Variants in AKAP13 observed in about 807,000 individuals in gnomAD.
AKAP13 encodes the protein A-kinase anchor protein 13.
AKAP13 carries 80 observed loss-of-function variants against 264.5 expected under a neutral mutation model. That is an observed-to-expected ratio of 0.30 (90% confidence interval 0.25 to 0.36). AKAP13 has a LOEUF of 0.36. Among genes scored for constraint, AKAP13 ranks in the 10% least tolerant of loss-of-function variants. The pLI is 1.00. For synonymous variants in AKAP13, 1,380 were observed against 1,250.2 expected (o/e 1.10, Z -2.19); for missense variants, 3,712 against 3,435.2 (o/e 1.08, Z -2.01).
intron 1 of AKAP13, among the ~76,000 whole-genome samples, chr15:85,483,267 G>T (rs1353558315): frequency 6.6e-6 from 1 of 152,170 alleles, no homozygotes; most frequent in East Asian, 1.9e-4. Context: ...TGTCCAAACC[G>T]TGGCCTGCAG....
Position 85,409,732 on chromosome 15 carries a change from G to T in AKAP13, c.-12+28934G>T, listed in dbSNP as rs546868603. 5.2e-4 allele frequency among the ~76,000 whole-genome samples: 78 copies of T among 148,966 alleles called. 3 individuals carry two copies. Among genetic ancestry groups the T allele is most frequent in the African/African-American group, 1.9e-3 (74 of 39,884 alleles). On this transcript the variant is annotated intron_variant, in intron 1 of 36. Coordinates refer to ENST00000394518, the MANE Select transcript of AKAP13 (RefSeq NM_007200.5). ...TGCAAGCTCCGCCTCCTGGGTACAC[G>T]CCATTCTCCTGCGTCAGCCTCCCGA... is the stretch of plus-strand genomic sequence containing the variant.
In AKAP13 at chr15:85,494,177, C is replaced by T. The variant is rs550626623; in HGVS notation, c.33+8424C>T. On this transcript the variant is annotated intron_variant, in intron 2 of 36. Transcript: ENST00000394518. ...TTCAATACCACCTTAACTAAGGTAT[C>T]AAAGTTAATGGGCTCTATCTATCAC... 4.6e-5 allele frequency among the ~76,000 whole-genome samples: 7 copies of T among 152,308 alleles called. No homozygotes were observed. The South Asian group carries it at 6.2e-4, about 14-fold the overall frequency.
intron 27 of AKAP13, 97 bp from the exon 28 acceptor site, chr15:85,726,969 T>C: frequency 7.2e-7 from 1 of 1,384,544 alleles, no homozygotes; most frequent in Non-Finnish European, 1.0e-6. Flanking sequence ...ACTATGTGCT[T>C]TTTTAACAGC....
Position 85,727,266 on chromosome 15 carries a change from C to G in AKAP13, c.7004+19C>G, listed in dbSNP as rs1351546533. On this transcript the variant is annotated intron_variant, in intron 28 of 36. Transcript: ENST00000394518. The surrounding 1 kb of genome is among the most constrained non-coding windows in gnomAD (Gnocchi z 5.3). ...ACACCCTGTAAGTTAACCACCAGGC[C>G]CCACCCTTCCCAGCCCTCCTGATGT... 3 of 1,613,690 alleles carry G rather than the reference C, an allele frequency of 1.9e-6. No individual in the cohort carries two copies. The highest frequency in any genetic ancestry group is 1.3e-5 in the African/African-American group (1 of 74,880).
Position 85,380,653 on chromosome 15 carries a change from T to C in AKAP13, c.-157T>C, listed in dbSNP as rs1009967307. The C allele has an allele frequency of 6.7e-6, 1 of 149,360 alleles. No individual in the cohort carries two copies. The allele number at this position is 149,360 out of a possible 1,614,324, so 9.3% of individuals were successfully genotyped here. ...AGCAGCCGCGGTGAAGCGCCTGTGC[T>C]CTGCCGAGACTGCCGTGCCCATTGC... On this transcript the variant is annotated 5_prime_UTR_variant, in exon 1 of 37. Transcript: ENST00000394518.
chr15:85,744,833 A>G lies in AKAP13; in HGVS notation c.*156A>G, dbSNP rs775535022. On this transcript the variant is annotated 3_prime_UTR_variant, in exon 37 of 37. Coordinates refer to ENST00000394518, the MANE Select transcript of AKAP13 (RefSeq NM_007200.5). ...CCAGGTCCTGGACAATAAGCAACAGATGATATTGAGTGTCGGGTGGGGAAG... is the reference window on the plus strand; with the variant it reads ...CCAGGTCCTGGACAATAAGCAACAGGTGATATTGAGTGTCGGGTGGGGAAG... 37 of 610,284 alleles carry G rather than the reference A, an allele frequency of 6.1e-5. No homozygotes were observed. Among genetic ancestry groups the G allele is most frequent in the Non-Finnish European group, 1.0e-4 (36 of 360,836 alleles). 37.8% of individuals were successfully genotyped at this position (610,284 alleles called of 1,614,324 possible).
Position 85,744,022 on chromosome 15 carries a change from G to A in AKAP13, c.8392+197G>A, listed in dbSNP as rs546433312. Reference sequence around the variant, plus strand: ...ATTAAGAACCCACTCTGTGTGGCACGTGTGCAGAAGCAGAGAGCATGGGTT... The same window carrying A: ...ATTAAGAACCCACTCTGTGTGGCACATGTGCAGAAGCAGAGAGCATGGGTT... On this transcript the variant is annotated intron_variant, in intron 36 of 36. Coordinates refer to ENST00000394518, the MANE Select transcript of AKAP13 (RefSeq NM_007200.5). 509 of 618,102 alleles carry A rather than the reference G, an allele frequency of 8.2e-4. 1 individual carries two copies. The highest frequency in any genetic ancestry group is 2.5e-4 in the Non-Finnish European group (91 of 362,612). The allele number at this position is 618,102 out of a possible 1,614,324, so 38.3% of individuals were successfully genotyped here. A position where few individuals can be genotyped will look rare whatever the true frequency, so the allele number is the denominator to read the frequency against.
intron 12 of AKAP13, among the ~76,000 whole-genome samples, chr15:85,658,814 A>G (rs1347577651): frequency 6.6e-6 from 1 of 152,076 alleles, no homozygotes; most frequent in African/African-American, 2.4e-5. Context: ...TTTAAAAATT[A>G]TTTTTAATTT....
chr15:85,412,184 C>T (rs377063136), intron 1 of AKAP13, among the ~76,000 whole-genome samples: 22 of 152,262 alleles, frequency 1.4e-4, no homozygotes, highest in East Asian at 7.7e-4. Context: ...GAGTACAAAA[C>T]GGTCATTGAT....
rs747848047 is a variant in AKAP13 at position 85,740,312 on chromosome 15, A to G, written c.7608+40A>G. 20 of 1,609,596 alleles carry G rather than the reference A, an allele frequency of 1.2e-5. No individual in the cohort carries two copies. The Admixed American group carries it at 3.0e-4, about 24-fold the overall frequency. On this transcript the variant is annotated intron_variant, in intron 34 of 36. Transcript: ENST00000394518. ...CTTCCATCCCTGCGTTTATTTGTCT[A>G]GAGAACAGCAGCTTGGGGCTGTTGT...
chr15:85,656,064 C>CAT (rs1249393774), intron 11 of AKAP13, among the ~76,000 whole-genome samples: 1 of 152,090 alleles, frequency 6.6e-6, no homozygotes, highest in African/African-American at 2.4e-5. Context: ...ATGTGATTGT[C>CAT]ATATAATGAG....
intron 2 of AKAP13, among the ~76,000 whole-genome samples, chr15:85,506,115 G>T (rs1350895619): frequency 1.3e-5 from 2 of 152,068 alleles, no homozygotes; most frequent in Non-Finnish European, 2.9e-5. Context: ...TGGCCAACAT[G>T]GTGAAACTCC....
At chr15:85,466,162 T>C (rs2074732863) in intron 1 of AKAP13, among the ~76,000 whole-genome samples, 1 of 150,350 alleles carries the variant, frequency 6.7e-6, no homozygotes, top group Non-Finnish European at 1.5e-5. Flanking sequence ...TTTTGAGAAG[T>C]GTCTGTTCAT....
At position 85,714,617 on chromosome 15, in the gene AKAP13, C is replaced by T. The variant is rs140081577; in HGVS notation, c.5600-1171C>T. On this transcript the variant is annotated intron_variant, in intron 19 of 36. Coordinates refer to ENST00000394518, the MANE Select transcript of AKAP13 (RefSeq NM_007200.5). ...GCACTCCAGATGTCTTCATGGTGAA[C>T]GGTCCTAAAGAACGCTGCTCCCAGT... Among the ~76,000 whole-genome samples, 216 of 152,280 alleles carry T rather than the reference C, an allele frequency of 1.4e-3. 1 individual carries two copies. The highest frequency in any genetic ancestry group is 1.9e-3 in the African/African-American group (81 of 41,568).
At position 85,649,489 on chromosome 15, in the gene AKAP13, C is replaced by G. The variant is rs543376875; in HGVS notation, c.4374+3535C>G. ...TGTTCCCAGGTTCTAACCCTCTTCT[C>G]CATCTCTAAAAAATAATCTGTAGGC... is the stretch of plus-strand genomic sequence containing the variant. On this transcript the variant is annotated intron_variant, in intron 10 of 36. Transcript: ENST00000394518. Among the ~76,000 whole-genome samples the G allele has an allele frequency of 4.3e-4, 66 of 152,328 alleles. No homozygotes were observed. The South Asian group carries it at 0.013, about 31-fold the overall frequency.
intron 13 of AKAP13, among the ~76,000 whole-genome samples, chr15:85,669,326 G>C (rs1019594335): frequency 6.6e-6 from 1 of 152,190 alleles, no homozygotes; most frequent in Non-Finnish European, 1.5e-5. Flanking sequence ...GATTTTCAAA[G>C]AACAAGTATT....
chr15:85,509,031 T>C (rs1013201429), intron 2 of AKAP13, among the ~76,000 whole-genome samples: 30 of 152,216 alleles, frequency 2.0e-4, no homozygotes, highest in African/African-American at 6.3e-4. Context: ...CTAATGTTAC[T>C]TTCTATAATT....
chr15:85,573,414 G>A (rs962959432), intron 5 of AKAP13, among the ~76,000 whole-genome samples: 15 of 151,942 alleles, frequency 9.9e-5, no homozygotes, highest in African/African-American at 2.7e-4. Context: ...GGCGTGGTGG[G>A]ACGCGCCTGT....
intron 2 of AKAP13, among the ~76,000 whole-genome samples, chr15:85,494,096 C>T (rs1358005991): frequency 6.6e-6 from 1 of 152,162 alleles, no homozygotes; most frequent in Non-Finnish European, 1.5e-5. Flanking sequence ...AAGTGAACAA[C>T]TACTCATACC....
Sources: gnomAD v4.1 joint callset for allele counts (sites outside exome capture counted in the v4.1 genomes callset) on GRCh38, gnomAD v4.1.1 for gene constraint, Gnocchi (gnomAD v3.1) non-coding constraint, MANE v1.5 for transcripts, NCBI Gene and HGNC (gene_info 2026-07-23, HGNC 2026-07-21) for gene names.